CLIP1: variants seen among roughly 807,000 people sequenced by gnomAD.
CLIP1 encodes CAP-Gly domain containing linker protein 1.
CLIP1 carries 66 observed loss-of-function variants against 161.6 expected under a neutral mutation model. That is an observed-to-expected ratio of 0.41 (90% CI 0.33 to 0.50). CLIP1 has a LOEUF of 0.50. CLIP1 is among the 20% of genes least tolerant of loss of function. The pLI is 0.27. For missense variants in CLIP1, 1,376 were observed against 1,702.0 expected (o/e 0.81, Z 3.37); for synonymous variants, 598 against 626.2 (o/e 0.96, Z 0.67).
At chr12:122,398,942 C>CAA (rs34091651) in intron 1 of CLIP1, among the ~76,000 whole-genome samples, 49,860 of 105,278 alleles carry the variant, frequency 0.47, 13,267 homozygotes, top group Non-Finnish European at 0.61. Context: ...ACCAGATATC[C>CAA]AAAAAAAAAA....
At chr12:122,407,389 A>G (rs1956361026) in intron 1 of CLIP1, among the ~76,000 whole-genome samples, 1 of 152,154 alleles carries the variant, frequency 6.6e-6, no homozygotes, top group Non-Finnish European at 1.5e-5. Context: ...CAGCAGTGAG[A>G]TCAAAGAGTC....
At chr12:122,327,360 G>C (rs951057161) in intron 17 of CLIP1, among the ~76,000 whole-genome samples, 6 of 152,078 alleles carry the variant, frequency 3.9e-5, no homozygotes, top group Non-Finnish European at 8.8e-5. Flanking sequence ...ATCAAATTCT[G>C]CTCTATCTAC....
chr12:122,390,471 C>T (rs1593228528), intron 1 of CLIP1, among the ~76,000 whole-genome samples: 3 of 151,228 alleles, frequency 2.0e-5, no homozygotes, highest in East Asian at 3.9e-4. Context: ...GCCACCACGC[C>T]CAGCTAATTT....
chr12:122,332,449 G>A (rs763358142), intron 15 of CLIP1, among the ~76,000 whole-genome samples: 1 of 151,854 alleles, frequency 6.6e-6, no homozygotes, highest in East Asian at 1.9e-4. Flanking sequence ...TAGATGGAGC[G>A]TCTCTCTATT....
intron 20 of CLIP1, among the ~76,000 whole-genome samples, chr12:122,289,509 T>C (rs529934888): frequency 3.7e-4 from 57 of 152,092 alleles, no homozygotes; most frequent in African/African-American, 1.4e-3. Context: ...TGTCACTAAA[T>C]TGCAGAGGAC....
chr12:122,393,987 A>G (rs1316122321), intron 1 of CLIP1, among the ~76,000 whole-genome samples: 1 of 148,426 alleles, frequency 6.7e-6, no homozygotes, highest in African/African-American at 2.5e-5. Flanking sequence ...TCGGAGGGGG[A>G]AAAACAGAGA....
chr12:122,419,696 G>A (rs1956871819), intron 1 of CLIP1, among the ~76,000 whole-genome samples: 1 of 151,980 alleles, frequency 6.6e-6, no homozygotes, highest in African/African-American at 2.4e-5. Context: ...AGCACTTTGG[G>A]AGGCCGAGGT....
intron 3 of CLIP1, among the ~76,000 whole-genome samples, chr12:122,374,456 T>C (rs1406224963): frequency 6.7e-6 from 1 of 148,574 alleles, no homozygotes; most frequent in Non-Finnish European, 1.5e-5. Context: ...CCGTCTCTAC[T>C]AAAAATACCA....
chr12:122,416,716 C>A (rs1463603960), intron 1 of CLIP1, among the ~76,000 whole-genome samples: 1 of 151,626 alleles, frequency 6.6e-6, no homozygotes, highest in Non-Finnish European at 1.5e-5. Flanking sequence ...GCCTGACAAA[C>A]GCAGTGAAAC....
chr12:122,379,921 G>A (rs1348497303), intron 2 of CLIP1, among the ~76,000 whole-genome samples: 2 of 130,932 alleles, frequency 1.5e-5, no homozygotes, highest in Non-Finnish European at 3.1e-5. Flanking sequence ...TCCAGCCTGG[G>A]GAATAGAGCA....
At chr12:122,360,819 C>G in intron 5 of CLIP1, 140 bp downstream of exon 5, 1 of 694,062 alleles carries the variant, frequency 1.4e-6, no homozygotes, top group Non-Finnish European at 2.3e-6. Context: ...AACTTACTTG[C>G]AAAGACTTTC....
chr12:122,396,475 A>T (rs1466750202), intron 1 of CLIP1: 2 of 152,198 alleles, frequency 1.3e-5, no homozygotes, highest in Non-Finnish European at 2.9e-5. Context: ...GGGAACTGTA[A>T]CAGGGACTCA....
At chr12:122,406,333 A>G (rs576991428) in intron 1 of CLIP1, among the ~76,000 whole-genome samples, 115 of 152,326 alleles carry the variant, frequency 7.5e-4, no homozygotes, top group Non-Finnish European at 1.3e-3. Context: ...GTGGTCCCAC[A>G]GAGTGAGACC....
chr12:122,341,762 C>CCTTTTT lies in CLIP1; in HGVS notation c.1507-66_1507-65insAAAAAG, dbSNP rs1566143047. ...AACAAGTCATTGACTATTTTCTTTTCTTTTTTTTTTTTTTTTTTTTTTTTT... is the reference window on the plus strand; with the variant it reads ...AACAAGTCATTGACTATTTTCTTTTCCTTTTTTTTTTTTTTTTTTTTTTTTTTTTTT... On this transcript the variant is annotated intron_variant, in intron 10 of 25. Coordinates refer to ENST00000620786, the MANE Select transcript of CLIP1 (RefSeq NM_001247997.2). 5.7e-4 allele frequency: 56 copies of CCTTTTT among 98,642 alleles called. 2 individuals are homozygous for CCTTTTT. Among genetic ancestry groups the CCTTTTT allele is most frequent in the East Asian group, 3.3e-3 (19 of 5,770 alleles). The allele number at this position is 98,642 out of a possible 1,614,324, so 6.1% of individuals were successfully genotyped here. A position where few individuals can be genotyped will look rare whatever the true frequency, so the allele number is the denominator to read the frequency against.
intron 15 of CLIP1, 113 bp downstream of exon 15, chr12:122,332,874 G>C: frequency 1.2e-6 from 1 of 801,644 alleles, no homozygotes; most frequent in Middle Eastern, 3.0e-4. Context: ...GAAAAGAACA[G>C]AGACGGGAAA....
intron 15 of CLIP1, among the ~76,000 whole-genome samples, chr12:122,332,703 G>A (rs1013877583): frequency 5.3e-5 from 8 of 152,278 alleles, no homozygotes; most frequent in South Asian, 2.1e-4. Context: ...TTACAGGCAT[G>A]AGCCACCGCA....
At chr12:122,345,062 A>T (rs761632095) in intron 10 of CLIP1, among the ~76,000 whole-genome samples, 3 of 152,156 alleles carry the variant, frequency 2.0e-5, no homozygotes, top group Non-Finnish European at 4.4e-5. Context: ...GTTTTAAAAA[A>T]ATATATTACT....
chr12:122,337,749 C>T (rs1473985986), intron 11 of CLIP1, among the ~76,000 whole-genome samples: 1 of 152,154 alleles, frequency 6.6e-6, no homozygotes, highest in African/African-American at 2.4e-5. Context: ...GTCACGGTGG[C>T]TCACGCCTGT....
At chr12:122,380,721 T>C (rs942820649) in intron 1 of CLIP1, among the ~76,000 whole-genome samples, 163 bp from the exon 2 acceptor site, 1 of 152,150 alleles carries the variant, frequency 6.6e-6, no homozygotes, top group Non-Finnish European at 1.5e-5. Context: ...ATGAAAATGC[T>C]GCTGAAATGG....
Sources: gnomAD v4.1 joint callset for allele counts (sites outside exome capture counted in the v4.1 genomes callset) on GRCh38, gnomAD v4.1.1 for gene constraint, MANE v1.5 for transcripts, NCBI Gene and HGNC (gene_info 2026-07-23, HGNC 2026-07-21) for gene names.